PCSK9: variants seen among roughly 807,000 people sequenced by gnomAD.
The protein encoded by PCSK9 is convertase subtilisin/kexin type 9 preproprotein.
PCSK9 carries 57 observed loss-of-function variants against 62.1 expected under a neutral mutation model. The ratio of observed to expected loss-of-function variants is 0.92; its 90% CI spans 0.74 to 1.14. PCSK9 has a LOEUF of 1.14. PCSK9 is among the 50% of genes most tolerant of loss of function. PCSK9 has a pLI of 0.00. For missense variants in PCSK9, 870 were observed against 959.8 expected (o/e 0.91, Z 1.24); for synonymous variants, 387 against 409.4 (o/e 0.95, Z 0.66).
chr1:55,058,630 C>G lies in PCSK9; in HGVS notation c.1486C>G (p.Arg496Gly). Reference sequence around the variant, plus strand: ...CAGTTTCTCCAGGAGTGGGAAGCGGCGGGGCGAGCGCATGGAGGTGACTGT... The same window carrying G: ...CAGTTTCTCCAGGAGTGGGAAGCGGGGGGGCGAGCGCATGGAGGTGACTGT... ...CSSFSRSGKR[R>G]GERMEAQGGK... Residue 496 changes from arginine (R) to glycine (G), a missense_variant, in exon 9 of 12, where the codon CGG becomes GGG. Arg to Gly is a moderately radical substitution (Grantham distance 125). Coordinates refer to ENST00000302118, the MANE Select transcript of PCSK9 (RefSeq NM_174936.4). The G allele has an allele frequency of 6.2e-7, 1 of 1,609,422 alleles. No homozygotes were observed. The highest frequency in any genetic ancestry group is 8.5e-7 in the Non-Finnish European group (1 of 1,179,406).
intron 3 of PCSK9, 90 bp from the exon 4 acceptor site, chr1:55,052,188 C>G (rs613855): frequency 0.48 from 751,401 of 1,568,736 alleles, 187,046 homozygotes; most frequent in East Asian, 0.76. Context: ...TTCACCAGTG[C>G]CTGGGATGTG....
chr1:55,049,051 T>C (rs1644655212), intron 3 of PCSK9, among the ~76,000 whole-genome samples: 1 of 152,240 alleles, frequency 6.6e-6, no homozygotes, highest in Non-Finnish European at 1.5e-5. Context: ...AAACAAATGC[T>C]ACTTGACACA....
At chr1:55,055,578 T>G (rs1644708437) in intron 5 of PCSK9, among the ~76,000 whole-genome samples, 1 of 152,146 alleles carries the variant, frequency 6.6e-6, no homozygotes, top group Non-Finnish European at 1.5e-5. Context: ...ATGTATATAT[T>G]AAGAGTTTCA....
chr1:55,042,545 G>T (rs998778806), intron 1 of PCSK9, among the ~76,000 whole-genome samples: 1 of 152,156 alleles, frequency 6.6e-6, no homozygotes, highest in Non-Finnish European at 1.5e-5. Flanking sequence ...AAAGGGGGTG[G>T]ACTCTGTTCT....
intron 5 of PCSK9, among the ~76,000 whole-genome samples, chr1:55,054,479 G>A (rs1205748325): frequency 1.3e-5 from 2 of 152,212 alleles, no homozygotes. Flanking sequence ...CGTGGTGTGA[G>A]GGGCCTCACT....
rs12028752 is a variant in PCSK9 at position 55,048,846 on chromosome 1, T to G, written c.523+2200T>G. Among the ~76,000 whole-genome samples, 144 of 152,362 alleles carry G rather than the reference T, an allele frequency of 9.5e-4. No homozygotes were observed. The East Asian group carries it at 0.018, about 19-fold the overall frequency. ...GGTTAAATCAGTTATTGCTGTAGCATGCATTTCTCTGTCAGGTATTGAGTG... is the reference window on the plus strand; with the variant it reads ...GGTTAAATCAGTTATTGCTGTAGCAGGCATTTCTCTGTCAGGTATTGAGTG... On this transcript the variant is annotated intron_variant, in intron 3 of 11. Coordinates refer to ENST00000302118, the MANE Select transcript of PCSK9 (RefSeq NM_174936.4).
intron 1 of PCSK9, among the ~76,000 whole-genome samples, chr1:55,041,165 G>A (rs902741599): frequency 1.3e-4 from 20 of 152,196 alleles, no homozygotes; most frequent in Non-Finnish European, 2.5e-4. Flanking sequence ...AGCCCCGGGG[G>A]GATCACTTGC....
At chr1:55,057,711 A>G (rs1288165220) in intron 7 of PCSK9, among the ~76,000 whole-genome samples, 197 bp downstream of exon 7, 6 of 152,188 alleles carry the variant, frequency 3.9e-5, no homozygotes, top group Non-Finnish European at 8.8e-5. Context: ...GGGCTGTATT[A>G]GAGGGAGCCC....
In PCSK9 at chr1:55,043,870, G is replaced by A. The variant is rs749049179; in HGVS notation, c.235G>A (p.Val79Met). The A allele has an allele frequency of 1.1e-5, 18 of 1,614,050 alleles. No homozygotes were observed. Among genetic ancestry groups the A allele is most frequent in the Middle Eastern group, 1.6e-4 (1 of 6,070 alleles). ...KDPWRLPGTY[V>M]VVLKEETHLS... ...TCCGTGGAGGTTGCCTGGCACCTAC[G>A]TGGTGGTGCTGAAGGAGGAGACCCA... Residue 79 changes from valine to methionine, a missense_variant, in exon 2 of 12, where the codon GTG becomes ATG. Val to Met is a conservative substitution (Grantham distance 21). Transcript: ENST00000302118.
At chr1:55,047,836 T>C (rs1017305821) in intron 3 of PCSK9, among the ~76,000 whole-genome samples, 1 of 152,290 alleles carries the variant, frequency 6.6e-6, no homozygotes, top group East Asian at 1.9e-4. Context: ...ACAGCTCCTC[T>C]GTAGGAAGAG....
intron 3 of PCSK9, among the ~76,000 whole-genome samples, chr1:55,048,064 C>T (rs927690169): frequency 1.3e-5 from 2 of 152,182 alleles, no homozygotes; most frequent in Admixed American, 6.5e-5. Flanking sequence ...ACCACCCCCT[C>T]GGTTGGAACA....
intron 5 of PCSK9, among the ~76,000 whole-genome samples, chr1:55,054,063 G>A (rs1004399304): frequency 1.3e-5 from 2 of 152,226 alleles, no homozygotes; most frequent in African/African-American, 4.8e-5. Flanking sequence ...TGAGCACAGA[G>A]ATAAGCACAC....
chr1:55,042,989 T>A (rs1644607836), intron 1 of PCSK9, among the ~76,000 whole-genome samples: 2 of 152,214 alleles, frequency 1.3e-5, no homozygotes, highest in African/African-American at 4.8e-5. Context: ...TTGCTTCTTC[T>A]CTTGCCATGT....
At chr1:55,059,990 G>C (rs1644746963) in intron 10 of PCSK9, among the ~76,000 whole-genome samples, 1 of 152,210 alleles carries the variant, frequency 6.6e-6, no homozygotes, top group Non-Finnish European at 1.5e-5. Flanking sequence ...CAGCTCCAGA[G>C]AGAGGCCCCC....
At chr1:55,057,306 G>T (rs1482715527) in intron 6 of PCSK9, 25 bp from the exon 7 acceptor site, 2 of 1,609,694 alleles carry the variant, frequency 1.2e-6, no homozygotes, top group Non-Finnish European at 1.7e-6. Context: ...TCCTTTCTCT[G>T]CCACCCACCT....
At chr1:55,044,170 C>T in intron 2 of PCSK9, 136 bp downstream of exon 2, 1 of 1,041,866 alleles carries the variant, frequency 9.6e-7, no homozygotes, top group Non-Finnish European at 1.5e-6. Flanking sequence ...TTATCGGGTA[C>T]CAAGCACAGT....
rs1340689002 is a variant in PCSK9, at chr1:55,058,550, G to A, written c.1406G>A (p.Arg469Gln). The change falls in exon 9 of 12, where the codon CGG becomes CAG. Residue 469 changes from arginine (R) to glutamine (Q), a missense_variant. Physicochemically the swap from Arg to Gln is conservative, Grantham distance 43. Coordinates refer to ENST00000302118, the MANE Select transcript of PCSK9 (RefSeq NM_174936.4). ...TGGTCAGCACACTCGGGGCCTACAC[G>A]GATGGCCACAGCCGTCGCCCGCTGC... ...TVWSAHSGPT[R>Q]MATAVARCAP... is the part of the protein sequence containing the mutation. 1.7e-5 allele frequency: 27 copies of A among 1,611,992 alleles called. No individual in the cohort carries two copies. The highest frequency in any genetic ancestry group is 2.2e-4 in the Middle Eastern group (1 of 4,460).
Position 55,049,368 on chromosome 1 carries a change from G to A in PCSK9, c.523+2722G>A, listed in dbSNP as rs149747752. On this transcript the variant is annotated intron_variant, in intron 3 of 11. Transcript: ENST00000302118. ...TGGCCACAGTCTGAGCTTCTCAGGC[G>A]TATGGCAGGGCTGCCTGGTGAGAGG... 1.6e-3 allele frequency among the ~76,000 whole-genome samples: 247 copies of A among 152,348 alleles called. 2 individuals are homozygous for A. The highest frequency in any genetic ancestry group is 5.6e-3 in the African/African-American group (232 of 41,586).
At position 55,063,624 on chromosome 1, in the gene PCSK9, G is replaced by T. The variant is rs970494615; in HGVS notation, c.*40G>T. The T allele has an allele frequency of 6.3e-7, 1 of 1,592,170 alleles. No individual in the cohort carries two copies. Among genetic ancestry groups the T allele is most frequent in the African/African-American group, 1.3e-5 (1 of 74,516 alleles). On this transcript the variant is annotated 3_prime_UTR_variant, in exon 12 of 12. Transcript: ENST00000302118. ...GATGGGTGTCTGGGGAGGGTCAAGG[G>T]CTGGGGCTGAGCTTTAAAATGGTTC...
Sources: gnomAD v4.1 joint callset for allele counts (sites outside exome capture counted in the v4.1 genomes callset) on GRCh38, gnomAD v4.1.1 for gene constraint, MANE v1.5 for transcripts, NCBI Gene and HGNC (gene_info 2026-07-23, HGNC 2026-07-21) for gene names.